SPAG16: variants seen among roughly 807,000 people sequenced by gnomAD.
SPAG16 encodes the protein sperm associated antigen 16.
Under a neutral mutation model 80.4 loss-of-function variants are expected in SPAG16, and 86 were observed. The observed-to-expected ratio is 1.07, with a 90% CI of 0.90 to 1.28. The LOEUF (loss-of-function observed/expected upper bound fraction) is 1.28, where lower values mean the gene tolerates loss of function less well. Ranked by LOEUF, SPAG16 falls within the 50% of genes most tolerant of loss-of-function variation. SPAG16 has a pLI of 0.00. For missense variants in SPAG16, 870 were observed against 765.3 expected, an observed-to-expected ratio of 1.14 and a Z score of -1.61; for synonymous variants, 294 against 265.9, an observed-to-expected ratio of 1.11 and a Z score of -1.03.
intron 10 of SPAG16, among the ~76,000 whole-genome samples, chr2:213,679,121 G>T (rs939162521): frequency 2.0e-5 from 3 of 152,124 alleles, no homozygotes; most frequent in Non-Finnish European, 4.4e-5. Context: ...ATACCTGGGG[G>T]TGAATCAATG....
chr2:213,980,477 ATATATATAATATATATAGAATATATGTG>A lies in SPAG16; in HGVS notation c.1401-33409_1401-33382del, dbSNP rs1559653592. On this transcript the variant is annotated intron_variant, in intron 12 of 15. Transcript: ENST00000331683. ...ATATATATATAGAATATATGTGTGT[ATATATATAATATATATAGAATATATGTG>A]TATATATAATATATATAGAATATAT... Among the ~76,000 whole-genome samples, 72 of 71,182 alleles carry A rather than the reference ATATATATAATATATATAGAATATATGTG, an allele frequency of 1.0e-3. 1 individual carries two copies. The highest frequency in any genetic ancestry group is 2.2e-3 in the African/African-American group (54 of 24,806). 46.7% of individuals were successfully genotyped at this position (71,182 alleles called of 152,430 possible). A position where few individuals can be genotyped will look rare whatever the true frequency, so the allele number is the denominator to read the frequency against.
At chr2:213,606,227 G>A (rs559192195) in intron 10 of SPAG16, among the ~76,000 whole-genome samples, 1 of 152,226 alleles carries the variant, frequency 6.6e-6, no homozygotes, top group South Asian at 2.1e-4. Context: ...TCTTCCTAAT[G>A]TTTGCTTTTT....
At chr2:213,811,105 CTTTTACAA>C (rs1220856710) in intron 10 of SPAG16, among the ~76,000 whole-genome samples, 1 of 152,120 alleles carries the variant, frequency 6.6e-6, no homozygotes, top group Non-Finnish European at 1.5e-5. Context: ...AATATATACA[CTTTTACAA>C]ATAATTAAAA....
At chr2:213,729,917 C>CT (rs2066950562) in intron 10 of SPAG16, among the ~76,000 whole-genome samples, 1 of 152,210 alleles carries the variant, frequency 6.6e-6, no homozygotes, top group Non-Finnish European at 1.5e-5. Context: ...GATGAACTCT[C>CT]TATCACTGGA....
intron 10 of SPAG16, among the ~76,000 whole-genome samples, chr2:213,507,992 T>C (rs1388965397): frequency 6.6e-6 from 1 of 152,226 alleles, no homozygotes; most frequent in Non-Finnish European, 1.5e-5. Flanking sequence ...TGATTGATAC[T>C]TTAAGCTCAC....
At chr2:213,750,013 G>C (rs1349012300) in intron 10 of SPAG16, among the ~76,000 whole-genome samples, 1 of 152,072 alleles carries the variant, frequency 6.6e-6, no homozygotes, top group Non-Finnish European at 1.5e-5. Flanking sequence ...TGTATCCCGA[G>C]GCCCAGCATT....
intron 10 of SPAG16, among the ~76,000 whole-genome samples, chr2:213,835,788 G>A (rs1231589916): frequency 6.6e-6 from 1 of 152,020 alleles, no homozygotes; most frequent in African/African-American, 2.4e-5. Context: ...ATAACTATGT[G>A]AATAGTTTTC....
At chr2:214,115,193 G>A (rs987219050) in intron 14 of SPAG16, among the ~76,000 whole-genome samples, 6 of 152,124 alleles carry the variant, frequency 3.9e-5, no homozygotes, top group Non-Finnish European at 8.8e-5. Flanking sequence ...TCACATACCT[G>A]CTAAGCAATG....
At chr2:214,186,950 G>A (rs1227497484) in intron 15 of SPAG16, among the ~76,000 whole-genome samples, 4 of 152,060 alleles carry the variant, frequency 2.6e-5, no homozygotes, top group Non-Finnish European at 5.9e-5. Context: ...TTTTAGTAGA[G>A]ACAGGGTTTT....
intron 14 of SPAG16, among the ~76,000 whole-genome samples, chr2:214,147,930 A>G (rs1298310380): frequency 6.6e-6 from 1 of 152,206 alleles, no homozygotes; most frequent in African/African-American, 2.4e-5. Flanking sequence ...GTGAGAAAAT[A>G]TGTGAGCTAG....
chr2:213,703,689 T>C (rs1187719594), intron 10 of SPAG16, among the ~76,000 whole-genome samples: 1 of 152,174 alleles, frequency 6.6e-6, no homozygotes, highest in African/African-American at 2.4e-5. Context: ...CCATCTCAGC[T>C]TGAGCGGAGG....
At chr2:213,869,615 C>T (rs1049745080) in intron 11 of SPAG16, among the ~76,000 whole-genome samples, 17 of 147,544 alleles carry the variant, frequency 1.2e-4, no homozygotes, top group African/African-American at 4.0e-4. Flanking sequence ...AAGGGCTAAG[C>T]ATTAAAAATA....
intron 12 of SPAG16, among the ~76,000 whole-genome samples, chr2:214,012,226 ATACT>A (rs934262070): frequency 1.4e-5 from 2 of 140,504 alleles, no homozygotes; most frequent in East Asian, 2.0e-4. Context: ...ATGTATATAT[ATACT>A]TACTTATATA....
At chr2:213,663,393 T>G (rs2063493026) in intron 10 of SPAG16, among the ~76,000 whole-genome samples, 1 of 152,070 alleles carries the variant, frequency 6.6e-6, no homozygotes, top group African/African-American at 2.4e-5. Context: ...CAGTAAGCAG[T>G]GTTTAAAAAT....
chr2:213,970,539 C>A lies in SPAG16; in HGVS notation c.1400+40394C>A, dbSNP rs376137280. Among the ~76,000 whole-genome samples the A allele has an allele frequency of 2.1e-3, 319 of 152,190 alleles. 5 individuals are homozygous for A. The highest frequency in any genetic ancestry group is 0.011 in the South Asian group (54 of 4,820). On this transcript the variant is annotated intron_variant, in intron 12 of 15. Coordinates refer to ENST00000331683, the MANE Select transcript of SPAG16 (RefSeq NM_024532.5). Reference sequence around the variant, plus strand: ...CTGGCCTCGAGCTCCTGAACACAAGCAATCTGCCCAATTTGGCCTCCCAAA... The same window carrying A: ...CTGGCCTCGAGCTCCTGAACACAAGAAATCTGCCCAATTTGGCCTCCCAAA...
intron 10 of SPAG16, among the ~76,000 whole-genome samples, chr2:213,668,461 A>T (rs2063695015): frequency 6.6e-6 from 1 of 152,140 alleles, no homozygotes; most frequent in Admixed American, 6.5e-5. Flanking sequence ...GAATGTCTTA[A>T]TTAAAGCTGG....
chr2:213,881,617 C>A lies in SPAG16; in HGVS notation c.1214+18989C>A, dbSNP rs546920021. ...GGAACAAGGCACCTTCTCCACAAGG[C>A]GGCAGGAAGGAGAAGTGCCAAGGCA... On this transcript the variant is annotated intron_variant, in intron 11 of 15. Transcript: ENST00000331683. 4.6e-5 allele frequency among the ~76,000 whole-genome samples: 7 copies of A among 152,218 alleles called. No individual in the cohort carries two copies. The East Asian group carries it at 1.4e-3, about 29-fold the overall frequency.
At chr2:213,686,841 A>G (rs902526357) in intron 10 of SPAG16, among the ~76,000 whole-genome samples, 1 of 151,140 alleles carries the variant, frequency 6.6e-6, no homozygotes, top group Non-Finnish European at 1.5e-5. Context: ...GTGCCACCAC[A>G]CCTGGCTAAG....
chr2:213,904,897 G>A (rs982500180), intron 11 of SPAG16, among the ~76,000 whole-genome samples: 5 of 152,072 alleles, frequency 3.3e-5, no homozygotes, highest in Admixed American at 3.3e-4. Context: ...TTAGGGTCTT[G>A]TTGTTAGGGT....
Sources: gnomAD v4.1 joint callset for allele counts (sites outside exome capture counted in the v4.1 genomes callset) on GRCh38, gnomAD v4.1.1 for gene constraint, MANE v1.5 for transcripts, NCBI Gene and HGNC (gene_info 2026-07-23, HGNC 2026-07-21) for gene names.